EXT1: variants seen among roughly 807,000 people sequenced by gnomAD.
The protein encoded by EXT1 is exostosin glycosyltransferase 1, also known as exostosin-1.
A neutral mutation model predicts 82.5 loss-of-function variants in EXT1; 20 were observed. That is an observed-to-expected ratio of 0.24 (90% CI 0.17 to 0.35). The LOEUF (loss-of-function observed/expected upper bound fraction) is 0.35. Ranked by LOEUF, EXT1 falls within the 10% of genes least tolerant of loss-of-function variation. The pLI is 1.00. For synonymous variants in EXT1, 348 were observed against 350.8 expected, an observed-to-expected ratio of 0.99 and a Z score of 0.09; for missense variants, 757 against 936.5, an observed-to-expected ratio of 0.81 and a Z score of 2.50.
At chr8:118,030,325 A>G (rs1435250313) in intron 1 of EXT1, among the ~76,000 whole-genome samples, 1 of 152,218 alleles carries the variant, frequency 6.6e-6, no homozygotes, top group Non-Finnish European at 1.5e-5. Flanking sequence ...GGGAAAAGAA[A>G]CACTGAAGTG....
At chr8:118,052,385 A>C (rs1041592485) in intron 1 of EXT1, among the ~76,000 whole-genome samples, 3 of 152,192 alleles carry the variant, frequency 2.0e-5, no homozygotes, top group African/African-American at 7.2e-5. Context: ...TTTTTACTTC[A>C]GTGTCTGTTA....
At chr8:118,053,401 A>G (rs540849074) in intron 1 of EXT1, among the ~76,000 whole-genome samples, 10 of 152,304 alleles carry the variant, frequency 6.6e-5, no homozygotes, top group African/African-American at 2.4e-4. Flanking sequence ...TCTGTTCAAA[A>G]AGACTTCACT....
At chr8:117,975,204 G>C (rs1815040069) in intron 1 of EXT1, among the ~76,000 whole-genome samples, 1 of 152,196 alleles carries the variant, frequency 6.6e-6, no homozygotes, top group Non-Finnish European at 1.5e-5. Flanking sequence ...AGCCAAAAGT[G>C]TTTAGGAGAC....
At chr8:117,949,570 G>T (rs1409088987) in intron 1 of EXT1, among the ~76,000 whole-genome samples, 3 of 150,314 alleles carry the variant, frequency 2.0e-5, no homozygotes, top group Non-Finnish European at 4.4e-5. Flanking sequence ...ACATTTGGAA[G>T]TTATTCATTT....
intron 9 of EXT1, among the ~76,000 whole-genome samples, chr8:117,806,305 C>T (rs973039511): frequency 2.0e-5 from 3 of 152,202 alleles, no homozygotes; most frequent in South Asian, 4.1e-4. Context: ...TGTCCTCCTC[C>T]CCTGTCACTT....
At chr8:118,020,623 T>C (rs1239666875) in intron 1 of EXT1, among the ~76,000 whole-genome samples, 1 of 141,080 alleles carries the variant, frequency 7.1e-6, no homozygotes, top group East Asian at 2.0e-4. Flanking sequence ...GAATATGCCC[T>C]TCAGCATTAA....
In EXT1 at chr8:118,036,421, C is replaced by T. The variant is rs578100315; in HGVS notation, c.962+73664G>A. On this transcript the variant is annotated intron_variant, in intron 1 of 10. Coordinates refer to ENST00000378204, the MANE Select transcript of EXT1 (RefSeq NM_000127.3). ...CTCCTAGGCCTTATTCAAAGCCCCA[C>T]TGATCTCTTGCCTGGGATAGTAAAT... 2.4e-3 allele frequency among the ~76,000 whole-genome samples: 366 copies of T among 152,252 alleles called. 3 individuals are homozygous for T. The highest frequency in any genetic ancestry group is 8.5e-3 in the African/African-American group (353 of 41,554).
intron 1 of EXT1, among the ~76,000 whole-genome samples, chr8:118,104,944 G>C (rs1455989150): frequency 6.6e-6 from 1 of 152,186 alleles, no homozygotes; most frequent in African/African-American, 2.4e-5. Context: ...ATGCAGTGAG[G>C]TAGCAATGAA....
intron 1 of EXT1, among the ~76,000 whole-genome samples, chr8:117,911,547 G>A (rs550169163): frequency 6.6e-6 from 1 of 152,294 alleles, no homozygotes; most frequent in South Asian, 2.1e-4. Context: ...TGCTCACCAA[G>A]AGAAGGCAAG....
intron 1 of EXT1, among the ~76,000 whole-genome samples, chr8:118,073,163 C>T (rs981764905): frequency 1.3e-5 from 2 of 152,130 alleles, no homozygotes; most frequent in East Asian, 1.9e-4. Flanking sequence ...CTTAGTAGCC[C>T]ATCTAGGAGT....
chr8:117,936,515 C>T (rs956730286), intron 1 of EXT1, among the ~76,000 whole-genome samples: 1 of 152,186 alleles, frequency 6.6e-6, no homozygotes, highest in Non-Finnish European at 1.5e-5. Flanking sequence ...ACAAAATACA[C>T]CACCATCACC....
At chr8:117,817,624 G>C (rs1273100950) in intron 7 of EXT1, among the ~76,000 whole-genome samples, 5 of 152,154 alleles carry the variant, frequency 3.3e-5, no homozygotes, top group Non-Finnish European at 5.9e-5. Context: ...TTGACAAGCA[G>C]AGATGATGAG....
chr8:118,046,832 C>T (rs921092842), intron 1 of EXT1, among the ~76,000 whole-genome samples: 6 of 152,186 alleles, frequency 3.9e-5, no homozygotes, highest in African/African-American at 1.4e-4. Flanking sequence ...AAGAAAAGAT[C>T]GTGCAGAAAA....
chr8:117,894,371 A>C (rs191858521), intron 1 of EXT1, among the ~76,000 whole-genome samples: 1 of 152,094 alleles, frequency 6.6e-6, no homozygotes, highest in Non-Finnish European at 1.5e-5. Flanking sequence ...ATTTCCCTCC[A>C]TGCTGGTCCT....
chr8:117,959,569 G>A (rs895225307), intron 1 of EXT1, among the ~76,000 whole-genome samples: 4 of 152,136 alleles, frequency 2.6e-5, no homozygotes, highest in African/African-American at 7.2e-5. Flanking sequence ...TAAGCACTTC[G>A]CATTATCTTA....
At chr8:117,904,412 C>G (rs1813504983) in intron 1 of EXT1, among the ~76,000 whole-genome samples, 1 of 152,080 alleles carries the variant, frequency 6.6e-6, no homozygotes, top group Non-Finnish European at 1.5e-5. Flanking sequence ...GGAAGTCTAC[C>G]ATTTACTAGA....
chr8:118,073,637 G>GAGAAA (rs1197827157), intron 1 of EXT1, among the ~76,000 whole-genome samples: 4 of 30,174 alleles, frequency 1.3e-4, no homozygotes, highest in African/African-American at 4.0e-4. Context: ...AGAGAAAGAA[G>GAGAAA]AGAAGAGAAG....
intron 1 of EXT1, among the ~76,000 whole-genome samples, chr8:118,035,701 C>T (rs746881183): frequency 6.6e-6 from 1 of 152,030 alleles, no homozygotes; most frequent in Non-Finnish European, 1.5e-5. Flanking sequence ...TTCGGAAACA[C>T]GATTTTCGGA....
At chr8:117,856,486 T>G (rs1812562931) in intron 1 of EXT1, among the ~76,000 whole-genome samples, 1 of 146,712 alleles carries the variant, frequency 6.8e-6, no homozygotes, top group Admixed American at 6.9e-5. Flanking sequence ...CAGGATGGTC[T>G]CGATCTCCTG....
Sources: gnomAD v4.1 joint callset for allele counts (sites outside exome capture counted in the v4.1 genomes callset) on GRCh38, gnomAD v4.1.1 for gene constraint, MANE v1.5 for transcripts, NCBI Gene and HGNC (gene_info 2026-07-23, HGNC 2026-07-21) for gene names.